PTPN5: variants seen among roughly 807,000 people sequenced by gnomAD.
The protein encoded by PTPN5 is tyrosine-protein phosphatase non-receptor type 5.
PTPN5 carries 29 observed loss-of-function variants against 73.9 expected under a neutral mutation model. The ratio of observed to expected loss-of-function variants is 0.39; its 90% CI spans 0.29 to 0.54. The LOEUF is 0.54. Among genes scored for constraint, PTPN5 ranks in the 20% least tolerant of loss-of-function variants. The probability of loss-of-function intolerance (pLI) is 0.65; values close to 1 mark genes in which losing one functional copy is unlikely to be tolerated. For missense variants in PTPN5, 652 were observed against 751.4 expected, an observed-to-expected ratio of 0.87 and a Z score of 1.55; for synonymous variants, 267 against 304.7, an observed-to-expected ratio of 0.88 and a Z score of 1.29.
At chr11:18,775,644 G>C (rs375081955) in intron 1 of PTPN5, among the ~76,000 whole-genome samples, 1 of 152,204 alleles carries the variant, frequency 6.6e-6, no homozygotes, top group Non-Finnish European at 1.5e-5. Context: ...GTGCCATGAC[G>C]AATACACTCA....
intron 2 of PTPN5, among the ~76,000 whole-genome samples, chr11:18,766,393 A>C (rs1342808685): frequency 6.6e-6 from 1 of 152,188 alleles, no homozygotes; most frequent in Non-Finnish European, 1.5e-5. Context: ...ATGGGTGGAC[A>C]AGAAGAGGGC....
intron 1 of PTPN5, among the ~76,000 whole-genome samples, chr11:18,785,151 C>T (rs1388961829): frequency 6.6e-6 from 1 of 152,158 alleles, no homozygotes; most frequent in African/African-American, 2.4e-5. Context: ...CTGCACCAAG[C>T]TCCCTGTTCT....
intron 3 of PTPN5, chr11:18,749,417 G>A (rs748313599): frequency 1.9e-6 from 1 of 513,958 alleles, no homozygotes; most frequent in South Asian, 1.4e-5. Flanking sequence ...TTTCCATTTT[G>A]CCATGCCGCT....
intron 9 of PTPN5, among the ~76,000 whole-genome samples, chr11:18,734,502 ATTTG>A (rs1384730152): frequency 6.6e-6 from 1 of 151,708 alleles, no homozygotes. Flanking sequence ...TTTTATTTTT[ATTTG>A]TTTATTTTGG....
chr11:18,740,254 A>G (rs1348664216), intron 8 of PTPN5, among the ~76,000 whole-genome samples: 1 of 152,196 alleles, frequency 6.6e-6, no homozygotes, highest in Non-Finnish European at 1.5e-5. Context: ...GAAAGTGGGA[A>G]AACAGAAGAG....
Position 18,729,702 on chromosome 11 carries a change from G to T in PTPN5, c.1446C>A (p.Ala482=). Residue 482 remains alanine, a synonymous_variant, in exon 13 of 15, where the codon GCC becomes GCA. Coordinates refer to ENST00000358540, the MANE Select transcript of PTPN5 (RefSeq NM_006906.2). The surrounding 1 kb of genome is among the most constrained non-coding windows in gnomAD (Gnocchi z 5.2). ...GGGCACAGTGGGGCCCCTCCTGCTG[G>T]GCTGCCTCCTCCACCTCCCGCACCA... ...LHLVREVEEA[A]QQEGPHCAPI... 2.5e-6 allele frequency: 4 copies of T among 1,585,202 alleles called. No homozygotes were observed. The highest frequency in any genetic ancestry group is 2.6e-6 in the Non-Finnish European group (3 of 1,162,602).
At chr11:18,749,577 A>G in intron 3 of PTPN5, 2 of 507,360 alleles carry the variant, frequency 3.9e-6, no homozygotes, top group South Asian at 2.9e-5. Flanking sequence ...GCCTCAAAGT[A>G]TACATGTAGT....
At position 18,777,717 on chromosome 11, in the gene PTPN5, A is replaced by G. The variant is rs147428768; in HGVS notation, c.-113-5646T>C. On this transcript the variant is annotated intron_variant, in intron 1 of 14. Coordinates refer to ENST00000358540, the MANE Select transcript of PTPN5 (RefSeq NM_006906.2). ...TTCCAGCATTTTAGGAGGCCAAGGC[A>G]AGAGGATCACTTGGGGCCATGAGTT... is the stretch of plus-strand genomic sequence containing the variant. Among the ~76,000 whole-genome samples, 183 of 152,308 alleles carry G rather than the reference A, an allele frequency of 1.2e-3. 2 individuals carry two copies. The highest frequency in any genetic ancestry group is 4.3e-3 in the African/African-American group (177 of 41,578).
intron 12 of PTPN5, among the ~76,000 whole-genome samples, chr11:18,731,569 A>C (rs577451445): frequency 4.6e-5 from 7 of 152,260 alleles, no homozygotes; most frequent in South Asian, 2.1e-4. Context: ...GGGAATTTCT[A>C]CTCAGGAAGC....
chr11:18,733,507 G>T lies in PTPN5; in HGVS notation c.1080+49C>A. The T allele has an allele frequency of 1.2e-6, 2 of 1,612,188 alleles. No individual in the cohort carries two copies. Among genetic ancestry groups the T allele is most frequent in the South Asian group, 2.2e-5 (2 of 90,936 alleles). On this transcript the variant is annotated intron_variant, in intron 10 of 14. Transcript: ENST00000358540. The surrounding 1 kb of genome is among the most constrained non-coding windows in gnomAD (Gnocchi z 4.3). ...ACAAGGCTGGAGGATGGATCCCATC[G>T]ACTCAGGCCTCCCCTTGAGCAAGAG...
chr11:18,768,922 C>T (rs1171768791), intron 2 of PTPN5, among the ~76,000 whole-genome samples: 1 of 152,180 alleles, frequency 6.6e-6, no homozygotes, highest in Non-Finnish European at 1.5e-5. Flanking sequence ...TGCTAAGGCT[C>T]CTGCTCTCTC....
rs1177832913 is a variant in PTPN5 at position 18,742,708 on chromosome 11, GCTCT to G, written c.484-209_484-206del. Among the ~76,000 whole-genome samples, 5 of 152,246 alleles carry G rather than the reference GCTCT, an allele frequency of 3.3e-5. No homozygotes were observed. Among genetic ancestry groups the G allele is most frequent in the African/African-American group, 9.6e-5 (4 of 41,548 alleles). ...TCCTTCCCTGCCCCTCCCTCTCCCA[GCTCT>G]CTGTTTCTTGTGGCTTCAGGCCTTC... On this transcript the variant is annotated intron_variant, in intron 6 of 14. Transcript: ENST00000358540. The surrounding 1 kb of genome is among the most constrained non-coding windows in gnomAD (Gnocchi z 4.1).
At chr11:18,753,180 C>A (rs761618503) in intron 3 of PTPN5, among the ~76,000 whole-genome samples, 1 of 152,182 alleles carries the variant, frequency 6.6e-6, no homozygotes, top group Non-Finnish European at 1.5e-5. Context: ...AGCCCAAGGT[C>A]CCCCCAGGAC....
intron 3 of PTPN5, among the ~76,000 whole-genome samples, chr11:18,753,132 G>A (rs1849968747): frequency 6.6e-6 from 1 of 152,210 alleles, no homozygotes; most frequent in Non-Finnish European, 1.5e-5. Flanking sequence ...TGCCCTCAGA[G>A]GTCTAGGAAA....
intron 1 of PTPN5, among the ~76,000 whole-genome samples, chr11:18,780,543 T>C (rs997498521): frequency 6.9e-4 from 105 of 152,232 alleles, no homozygotes; most frequent in African/African-American, 2.1e-3. Flanking sequence ...CTCTTTGTGC[T>C]GTGGTTTCCA....
In PTPN5 at chr11:18,729,507, C is replaced by T. The variant is rs201360139; in HGVS notation, c.1550G>A (p.Arg517Gln). ...CAGGATGTCCACCACACCCTCCTGC[C>T]GCAGCTGCTGGCAGCAGATGCTGGT... ...IATSICCQQL[R>Q]QEGVVDILKT... Residue 517 changes from arginine to glutamine, a missense_variant, in exon 14 of 15, where the codon CGG (arginine) becomes CAG (glutamine). Arg to Gln is a conservative substitution (Grantham distance 43, BLOSUM62 1). Around this residue, in one of 3 missense-constraint regions of PTPN5, gnomAD observed 102 missense variants for 160.5 expected, o/e 0.64. Transcript: ENST00000358540. This position sits in a 1 kb window ranked among gnomAD's most constrained non-coding sequence, Gnocchi z 5.2. 430 of 1,601,878 alleles carry T rather than the reference C, an allele frequency of 2.7e-4. No homozygotes were observed. The highest frequency in any genetic ancestry group is 3.4e-4 in the Non-Finnish European group (400 of 1,175,260).
In PTPN5 at chr11:18,733,123, G is replaced by A. The variant is rs371152060; in HGVS notation, c.1218+112C>T. ...CCTCACATCTCCTCATCTTGGCAGCGGAGTGAACACCGCCGACCTCTTGAG... is the reference window on the plus strand; with the variant it reads ...CCTCACATCTCCTCATCTTGGCAGCAGAGTGAACACCGCCGACCTCTTGAG... On this transcript the variant is annotated intron_variant, in intron 11 of 14. Coordinates refer to ENST00000358540, the MANE Select transcript of PTPN5 (RefSeq NM_006906.2). This position sits in a 1 kb window ranked among gnomAD's most constrained non-coding sequence, Gnocchi z 4.3. 2.3e-5 allele frequency: 33 copies of A among 1,458,884 alleles called. No homozygotes were observed. Among genetic ancestry groups the A allele is most frequent in the East Asian group, 4.6e-5 (2 of 43,506 alleles). 90.4% of individuals were successfully genotyped at this position (1,458,884 alleles called of 1,614,324 possible). A position where few individuals can be genotyped will look rare whatever the true frequency, so the allele number is the denominator to read the frequency against.
intron 1 of PTPN5, among the ~76,000 whole-genome samples, chr11:18,775,240 G>GA (rs1466111978): frequency 6.6e-6 from 1 of 152,188 alleles, no homozygotes; most frequent in Non-Finnish European, 1.5e-5. Context: ...CTTTTGGTAA[G>GA]AAAAAATATT....
At position 18,776,060 on chromosome 11, in the gene PTPN5, G is replaced by T. The variant is rs1173291838; in HGVS notation, c.-113-3989C>A. ...GAAAGGCAGGATTTTGGAGTTCAAA[G>T]GTTATCCGGTCTGATCCTCTGTTCT... On this transcript the variant is annotated intron_variant, in intron 1 of 14. Transcript: ENST00000358540. 2.0e-5 allele frequency among the ~76,000 whole-genome samples: 3 copies of T among 152,138 alleles called. No homozygotes were observed. The East Asian group carries it at 5.8e-4, about 29-fold the overall frequency.
Sources: allele counts gnomAD v4.1 joint callset (sites outside exome capture counted in the v4.1 genomes callset), GRCh38; gene constraint gnomAD v4.1.1; regional missense constraint gnomAD v4.1.1; non-coding constraint Gnocchi (gnomAD v3.1); transcripts MANE v1.5; gene names NCBI Gene and HGNC (gene_info 2026-07-23, HGNC 2026-07-21).